HDAC4: variants seen among roughly 807,000 people sequenced by gnomAD.
HDAC4 encodes the protein histone deacetylase A.
HDAC4 carries 16 observed loss-of-function variants against 135.1 expected under a neutral mutation model. That is an observed-to-expected ratio of 0.12 (90% CI 0.08 to 0.18). The LOEUF (loss-of-function observed/expected upper bound fraction) is 0.18, where lower values mean the gene tolerates loss of function less well. Among genes scored for constraint, HDAC4 ranks in the 10% least tolerant of loss-of-function variants. The pLI is 1.00. For missense variants in HDAC4, 1,143 were observed against 1,511.8 expected, an observed-to-expected ratio of 0.76 and a Z score of 4.05; for synonymous variants, 685 against 653.4, an observed-to-expected ratio of 1.05 and a Z score of -0.74.
intron 1 of HDAC4, among the ~76,000 whole-genome samples, chr2:239,371,607 A>G (rs1166911206): frequency 2.6e-5 from 4 of 151,774 alleles, no homozygotes; most frequent in Non-Finnish European, 5.9e-5. Flanking sequence ...ACTCATGCTC[A>G]CACATTCACA....
intron 1 of HDAC4, among the ~76,000 whole-genome samples, chr2:239,383,969 A>C (rs1695607098): frequency 6.6e-6 from 1 of 152,212 alleles, no homozygotes; most frequent in Non-Finnish European, 1.5e-5. Context: ...CATCGCTGGC[A>C]CCTGGGCACC....
In HDAC4 at chr2:239,139,133, C is replaced by G. The variant is rs897481320; in HGVS notation, c.978+551G>C. Among the ~76,000 whole-genome samples, 2 of 152,256 alleles carry G rather than the reference C, an allele frequency of 1.3e-5. No individual in the cohort carries two copies. The highest frequency in any genetic ancestry group is 4.8e-5 in the African/African-American group (2 of 41,464). ...TTCCCGTGATGCCTGGAAAAGTTCC[C>G]CGCTCTGTGGCTTTGGCCGGCCCTG... On this transcript the variant is annotated intron_variant, in intron 9 of 26. Transcript: ENST00000543185. The surrounding 1 kb of genome is among the most constrained non-coding windows in gnomAD (Gnocchi z 5.3).
At chr2:239,172,745 A>T (rs2043533297) in intron 5 of HDAC4, among the ~76,000 whole-genome samples, 1 of 152,162 alleles carries the variant, frequency 6.6e-6, no homozygotes, top group African/African-American at 2.4e-5. Context: ...GAGAGTGACC[A>T]AGAAAAACAA....
intron 5 of HDAC4, among the ~76,000 whole-genome samples, chr2:239,165,217 C>A (rs11124183): frequency 8.5e-4 from 128 of 151,340 alleles, no homozygotes; most frequent in Admixed American, 1.4e-3. Flanking sequence ...GAGTTTAGAC[C>A]CTGTCTCAAA....
intron 3 of HDAC4, among the ~76,000 whole-genome samples, chr2:239,207,228 G>T (rs1245309761): frequency 6.6e-6 from 1 of 152,084 alleles, no homozygotes; most frequent in African/African-American, 2.4e-5. Context: ...ACAAAATCTT[G>T]TAAGATTCTG....
chr2:239,291,062 C>T (rs978393874), intron 2 of HDAC4, among the ~76,000 whole-genome samples: 2 of 152,246 alleles, frequency 1.3e-5, no homozygotes, highest in African/African-American at 4.8e-5. Flanking sequence ...CCTGCTGGTG[C>T]GTGCCCGGGA....
intron 7 of HDAC4, among the ~76,000 whole-genome samples, chr2:239,152,660 C>G (rs1559520153): frequency 6.6e-6 from 1 of 152,170 alleles, no homozygotes; most frequent in Admixed American, 6.5e-5. Flanking sequence ...GCAAGATGGG[C>G]CCTTCTGGCC....
At chr2:239,301,527 G>A (rs2052272327) in intron 2 of HDAC4, among the ~76,000 whole-genome samples, 1 of 150,616 alleles carries the variant, frequency 6.6e-6, no homozygotes, top group African/African-American at 2.5e-5. Context: ...CTGTCACCCA[G>A]GCTGGAGTGC....
intron 1 of HDAC4, among the ~76,000 whole-genome samples, chr2:239,385,055 C>G (rs372764618): frequency 2.0e-5 from 3 of 152,280 alleles, no homozygotes; most frequent in African/African-American, 7.2e-5. Context: ...ATGGAAGAGC[C>G]CTTCCCATCC....
intron 2 of HDAC4, among the ~76,000 whole-genome samples, chr2:239,244,459 G>A (rs2048361143): frequency 6.6e-6 from 1 of 152,124 alleles, no homozygotes; most frequent in South Asian, 2.1e-4. Context: ...CACGGCGTGT[G>A]AGTCAATGTG....
intron 2 of HDAC4, among the ~76,000 whole-genome samples, chr2:239,345,753 C>A (rs1431013742): frequency 6.8e-6 from 1 of 147,196 alleles, no homozygotes; most frequent in Non-Finnish European, 1.5e-5. Flanking sequence ...CTAAAACACA[C>A]ACACCCCCGT....
At chr2:239,230,368 C>CAAAAAAAAAAAAAA (rs56105562) in intron 3 of HDAC4, among the ~76,000 whole-genome samples, 6 of 79,388 alleles carry the variant, frequency 7.6e-5, no homozygotes, top group African/African-American at 3.1e-4. Context: ...AGCAAGCAAG[C>CAAAAAAAAAAAAAA]AAAAAAAAAA....
At chr2:239,317,861 A>G (rs2053170903) in intron 2 of HDAC4, among the ~76,000 whole-genome samples, 1 of 152,184 alleles carries the variant, frequency 6.6e-6, no homozygotes, top group South Asian at 2.1e-4. Context: ...TTTATTCTGT[A>G]TTATTTCACT....
intron 1 of HDAC4, among the ~76,000 whole-genome samples, chr2:239,390,790 G>A (rs369907363): frequency 2.6e-5 from 4 of 152,312 alleles, no homozygotes; most frequent in South Asian, 4.1e-4. Context: ...ACCCAGCCAC[G>A]CAGCCTCCCT....
intron 4 of HDAC4, among the ~76,000 whole-genome samples, chr2:239,183,446 G>A (rs532437197): frequency 1.2e-4 from 18 of 152,356 alleles, no homozygotes; most frequent in African/African-American, 3.8e-4. Context: ...GCCACGGACG[G>A]TAAGCTGCCG....
At position 239,126,445 on chromosome 2, in the gene HDAC4, G is replaced by A. The variant is rs746380553; in HGVS notation, c.1533+11C>T. On this transcript the variant is annotated intron_variant, in intron 12 of 26. Coordinates refer to ENST00000543185, the MANE Select transcript of HDAC4 (RefSeq NM_001378414.1). ...CCCTGGGGCCTGGGAGCGCTGAGCCGGCAAACCCACCTTGTTCATCTGCAG... is the reference window on the plus strand; with the variant it reads ...CCCTGGGGCCTGGGAGCGCTGAGCCAGCAAACCCACCTTGTTCATCTGCAG... 23 of 1,613,314 alleles carry A rather than the reference G, an allele frequency of 1.4e-5. No individual in the cohort carries two copies. Among genetic ancestry groups the A allele is most frequent in the African/African-American group, 5.3e-5 (4 of 74,922 alleles).
At chr2:239,325,809 A>G (rs567986062) in intron 2 of HDAC4, among the ~76,000 whole-genome samples, 5 of 152,098 alleles carry the variant, frequency 3.3e-5, no homozygotes, top group African/African-American at 9.6e-5. Context: ...TACTAAAAAT[A>G]CAAAAATTAA....
intron 5 of HDAC4, among the ~76,000 whole-genome samples, chr2:239,172,361 T>C (rs972303239): frequency 2.6e-5 from 4 of 150,970 alleles, no homozygotes; most frequent in Non-Finnish European, 5.9e-5. Context: ...TGCATTAGAA[T>C]AGTTGAGATA....
Position 239,152,896 on chromosome 2 carries a change from G to A in HDAC4, c.733+3756C>T, listed in dbSNP as rs1289335928. Among the ~76,000 whole-genome samples, 3 of 152,212 alleles carry A rather than the reference G, an allele frequency of 2.0e-5. No individual in the cohort carries two copies. In the East Asian group the frequency reaches 5.8e-4, roughly 29 times the overall value. ...CACCTCGATCTGGTCCTACTCGAAGGACTTTGCAAATATTAATTAATTCAC... is the reference window on the plus strand; with the variant it reads ...CACCTCGATCTGGTCCTACTCGAAGAACTTTGCAAATATTAATTAATTCAC... On this transcript the variant is annotated intron_variant, in intron 7 of 26. Coordinates refer to ENST00000543185, the MANE Select transcript of HDAC4 (RefSeq NM_001378414.1).
Sources: allele counts gnomAD v4.1 joint callset (sites outside exome capture counted in the v4.1 genomes callset), GRCh38; gene constraint gnomAD v4.1.1; non-coding constraint Gnocchi (gnomAD v3.1); transcripts MANE v1.5; gene names NCBI Gene and HGNC (gene_info 2026-07-23, HGNC 2026-07-21).